The following FARP1 variants were observed in gnomAD, a reference collection of about 807,000 sequenced individuals.
The protein encoded by FARP1 is FERM, ARH/RhoGEF and pleckstrin domain protein 1.
Under a neutral mutation model 128.8 loss-of-function variants are expected in FARP1, and 52 were observed. The ratio of observed to expected loss-of-function variants is 0.40; its 90% confidence interval spans 0.32 to 0.51. The LOEUF (loss-of-function observed/expected upper bound fraction) is 0.51. FARP1 is among the 20% of genes least tolerant of loss of function. FARP1 has a pLI of 0.45. For missense variants in FARP1, 1,333 were observed against 1,367.9 expected (o/e 0.97, Z 0.40); for synonymous variants, 580 against 551.8 (o/e 1.05, Z -0.72).
intron 16 of FARP1, among the ~76,000 whole-genome samples, chr13:98,415,271 T>C (rs572438583): frequency 6.6e-6 from 1 of 152,174 alleles, no homozygotes; most frequent in South Asian, 2.1e-4. Context: ...ATCTGTGTGT[T>C]TTAAGTACTT....
chr13:98,220,846 T>C (rs1415740301), intron 2 of FARP1, among the ~76,000 whole-genome samples: 3 of 152,086 alleles, frequency 2.0e-5, no homozygotes, highest in Admixed American at 1.3e-4. Context: ...TAACAGCTGT[T>C]TGCTATTTTA....
At chr13:98,285,319 C>T (rs1367928894) in intron 2 of FARP1, among the ~76,000 whole-genome samples, 1 of 152,090 alleles carries the variant, frequency 6.6e-6, no homozygotes, top group African/African-American at 2.4e-5. Flanking sequence ...TGAAATAAAA[C>T]AGATTAATGT....
chr13:98,153,552 A>G (rs1357500982), intron 1 of FARP1, among the ~76,000 whole-genome samples: 2 of 25,374 alleles, frequency 7.9e-5, no homozygotes, highest in African/African-American at 2.0e-4. Flanking sequence ...ATGTATAAAT[A>G]TATATTTATA....
chr13:98,437,171 G>A (rs541769700), intron 19 of FARP1, among the ~76,000 whole-genome samples: 3 of 152,180 alleles, frequency 2.0e-5, no homozygotes, highest in African/African-American at 4.8e-5. Flanking sequence ...TAGAATAGTG[G>A]CATTAACTAC....
chr13:98,423,087 G>C (rs1891650521), intron 16 of FARP1, among the ~76,000 whole-genome samples: 1 of 152,168 alleles, frequency 6.6e-6, no homozygotes, highest in Admixed American at 6.5e-5. Flanking sequence ...GATGTAGGCT[G>C]GGCAGCTAGG....
At chr13:98,396,957 T>C (rs1890574606) in intron 13 of FARP1, 1 of 152,912 alleles carries the variant, frequency 6.5e-6, no homozygotes, top group Non-Finnish European at 1.5e-5. Context: ...GGCTGCTTTG[T>C]CCATGCCTCA....
At chr13:98,268,778 TTGTGTGTGTGTGTGTGTGTGTGTGTG>T (rs59132299) in intron 2 of FARP1, among the ~76,000 whole-genome samples, 1 of 148,184 alleles carries the variant, frequency 6.7e-6, no homozygotes, top group African/African-American at 2.5e-5. Context: ...TTTCCCTTCT[TTGTGTGTGTGTGTGTGTGTGTGTGTG>T]TGTGTGTGTG....
chr13:98,401,818 G>C (rs757673929), intron 13 of FARP1: 11 of 152,148 alleles, frequency 7.2e-5, no homozygotes, highest in African/African-American at 1.2e-4. Context: ...TTTCCTGAAA[G>C]CTTTAAACAT....
intron 4 of FARP1, among the ~76,000 whole-genome samples, chr13:98,365,891 T>A (rs1047051860): frequency 1.3e-4 from 12 of 90,702 alleles, no homozygotes; most frequent in African/African-American, 4.5e-4. Flanking sequence ...TGTGTGTGTA[T>A]GTGGTGTGTG....
rs1893054578 is a variant in FARP1, at chr13:98,449,100, T to G, written c.*783T>G. ...AATGGGAAGATAATAAGCCGTGGTG[T>G]TTTGCTGTCTGTCTGTGTCACAAGC... On this transcript the variant is annotated 3_prime_UTR_variant, in exon 27 of 27. Coordinates refer to ENST00000319562, the MANE Select transcript of FARP1 (RefSeq NM_005766.4). The G allele has an allele frequency of 6.6e-6, 1 of 152,158 alleles. No homozygotes were observed. The allele number at this position is 152,158 out of a possible 1,614,324, so 9.4% of individuals were successfully genotyped here.
intron 1 of FARP1, among the ~76,000 whole-genome samples, chr13:98,175,039 C>T (rs1274730992): frequency 3.3e-5 from 5 of 152,132 alleles, no homozygotes; most frequent in East Asian, 1.9e-4. Flanking sequence ...TTCGCTCTGC[C>T]GCAGTTGCTT....
chr13:98,351,797 G>A lies in FARP1; in HGVS notation c.276+7931G>A, dbSNP rs536870017. ...GGGGAGGCACCACACACAAACAGCC[G>A]GATCGCCCATGGACTCTGCGTGGAA... is the stretch of plus-strand genomic sequence containing the variant. On this transcript the variant is annotated intron_variant, in intron 3 of 26. Coordinates refer to ENST00000319562, the MANE Select transcript of FARP1 (RefSeq NM_005766.4). Among the ~76,000 whole-genome samples the A allele has an allele frequency of 4.6e-5, 7 of 151,982 alleles. No individual in the cohort carries two copies. In the South Asian group the frequency reaches 8.3e-4, roughly 18 times the overall value.
Position 98,214,793 on chromosome 13 carries a change from C to A in FARP1, c.171+1380C>A, listed in dbSNP as rs372677805. 1.7e-3 allele frequency among the ~76,000 whole-genome samples: 256 copies of A among 152,294 alleles called. 2 individuals are homozygous for A. The highest frequency in any genetic ancestry group is 5.8e-3 in the African/African-American group (242 of 41,558). On this transcript the variant is annotated intron_variant, in intron 2 of 26. Transcript: ENST00000319562. ...TGTATTTTGGTGAACAAAGCTATTG[C>A]TCATCTGCTAAAATCATAGACTGTT...
At chr13:98,373,533 G>GACAGACAGACACACACACACACAC (rs1349451618) in intron 5 of FARP1, among the ~76,000 whole-genome samples, 36 of 131,062 alleles carry the variant, frequency 2.7e-4, no homozygotes, top group African/African-American at 1.0e-3. Context: ...CAGACAGACA[G>GACAGACAGACACACACACACACAC]ACACACACAC....
At chr13:98,246,621 C>T (rs1027137649) in intron 2 of FARP1, among the ~76,000 whole-genome samples, 1 of 151,954 alleles carries the variant, frequency 6.6e-6, no homozygotes, top group Non-Finnish European at 1.5e-5. Flanking sequence ...CCTCCTTCTC[C>T]TCTGGGGATA....
At chr13:98,440,497 G>T (rs576364436) in intron 23 of FARP1, among the ~76,000 whole-genome samples, 173 bp from the exon 24 acceptor site, 3 of 152,324 alleles carry the variant, frequency 2.0e-5, no homozygotes, top group Non-Finnish European at 2.9e-5. Flanking sequence ...CCCGGGAGGG[G>T]CTGGGGCTCT....
At position 98,419,797 on chromosome 13, in the gene FARP1, A is replaced by T. The variant is rs1891526496; in HGVS notation, c.1827-4775A>T. Among the ~76,000 whole-genome samples, 2 of 152,140 alleles carry T rather than the reference A, an allele frequency of 1.3e-5. 1 individual carries two copies. The highest frequency in any genetic ancestry group is 1.3e-4 in the Admixed American group (2 of 15,272). On this transcript the variant is annotated intron_variant, in intron 16 of 26. Coordinates refer to ENST00000319562, the MANE Select transcript of FARP1 (RefSeq NM_005766.4). Reference sequence around the variant, plus strand: ...GGGTGGAGCAAGCATCTAGAGATAGAGCAGGGGGACAAAAATGAACCCTCA... The same window carrying T: ...GGGTGGAGCAAGCATCTAGAGATAGTGCAGGGGGACAAAAATGAACCCTCA...
At chr13:98,283,212 CTTAG>C (rs1381272272) in intron 2 of FARP1, among the ~76,000 whole-genome samples, 1 of 152,116 alleles carries the variant, frequency 6.6e-6, no homozygotes, top group South Asian at 2.1e-4. Flanking sequence ...TGTCATTTGA[CTTAG>C]TTAGGAATTT....
chr13:98,406,697 G>A (rs1890988871), intron 13 of FARP1: 1 of 152,354 alleles, frequency 6.6e-6, no homozygotes, highest in East Asian at 1.9e-4. Flanking sequence ...TGACCCTGAA[G>A]TTCCCACTCG....
Sources: allele counts gnomAD v4.1 joint callset (sites outside exome capture counted in the v4.1 genomes callset), GRCh38; gene constraint gnomAD v4.1.1; transcripts MANE v1.5; gene names NCBI Gene and HGNC (gene_info 2026-07-23, HGNC 2026-07-21).